EP300: variants seen among roughly 807,000 people sequenced by gnomAD.
The protein encoded by EP300 is histone acetyltransferase p300.
A neutral mutation model predicts 264.0 loss-of-function variants in EP300; 31 were observed. That is an observed-to-expected ratio of 0.12 (90% confidence interval 0.09 to 0.16). The LOEUF (loss-of-function observed/expected upper bound fraction) is 0.16, where lower values mean the gene tolerates loss of function less well. Among genes scored for constraint, EP300 ranks in the 10% least tolerant of loss-of-function variants. The pLI, the probability that EP300 is intolerant of heterozygous loss-of-function variation, is 1.00. For synonymous variants in EP300, 1,340 were observed against 1,045.4 expected (o/e 1.28, Z -5.44); for missense variants, 2,766 against 3,052.9 (o/e 0.91, Z 2.21).
At chr22:41,162,809 C>T (rs376016743) in intron 21 of EP300, 30 bp downstream of exon 21, 55 of 1,588,516 alleles carry the variant, frequency 3.5e-5, no homozygotes, top group African/African-American at 3.2e-4. Flanking sequence ...ATAGTCAGTA[C>T]GCTTTGGCTT....
Position 41,177,252 on chromosome 22 carries a change from C to G in EP300, c.5541C>G (p.Leu1847=). ...RTGVVGQQQG[L]PSPTPATPTT... ...GTGTGGTTGGGCAGCAACAGGGCCT[C>G]CCTTCCCCCACTCCTGCCACTCCAA... Residue 1847 remains leucine (L), a synonymous_variant, in exon 31 of 31, where the codon CTC becomes CTG. Transcript: ENST00000263253. 6.2e-7 allele frequency: 1 copy of G among 1,614,088 alleles called. No homozygotes were observed. Among genetic ancestry groups the G allele is most frequent in the Non-Finnish European group, 8.5e-7 (1 of 1,180,010 alleles).
intron 20 of EP300, among the ~76,000 whole-genome samples, chr22:41,161,608 G>A (rs772263726): frequency 3.9e-5 from 6 of 151,956 alleles, no homozygotes; most frequent in Non-Finnish European, 8.8e-5. Context: ...CAGAGCGAGA[G>A]TCTGTCTCAA....
chr22:41,150,206 G>A lies in EP300; in HGVS notation c.2817+8G>A. The stretch of plus-strand genomic sequence containing the variant: ...CCGCAGCCTGCAACTCCAGTAAGTA[G>A]AGATTTGGATTTAGGCAGAATCATT... On this transcript the variant is annotated splice_region_variant and intron_variant, in intron 14 of 30. Coordinates refer to ENST00000263253, the MANE Select transcript of EP300 (RefSeq NM_001429.4). 6.2e-7 allele frequency: 1 copy of A among 1,600,428 alleles called. No individual in the cohort carries two copies. The highest frequency in any genetic ancestry group is 8.5e-7 in the Non-Finnish European group (1 of 1,176,500).
In EP300 at chr22:41,146,833, ATTT is replaced by A. The variant is rs766192274; in HGVS notation, c.2131+22_2131+24del. The A allele has an allele frequency of 1.2e-6, 2 of 1,608,978 alleles. No homozygotes were observed. Among genetic ancestry groups the A allele is most frequent in the Non-Finnish European group, 1.7e-6 (2 of 1,176,744 alleles). On this transcript the variant is annotated intron_variant, in intron 11 of 30. Coordinates refer to ENST00000263253, the MANE Select transcript of EP300 (RefSeq NM_001429.4). Reference sequence around the variant, plus strand: ...CACAATCTGGTAAATAGTGAAAAAAATTTTTTTATTTTAAAAGAATCCCCGGTG... The same window carrying A: ...CACAATCTGGTAAATAGTGAAAAAAATTTTATTTTAAAAGAATCCCCGGTG...
intron 29 of EP300, 99 bp downstream of exon 29, chr22:41,173,883 G>C: frequency 6.9e-7 from 1 of 1,445,730 alleles, no homozygotes; most frequent in South Asian, 1.1e-5. Flanking sequence ...AGGCCAAGGC[G>C]GGTGGATCAC....
At chr22:41,113,811 G>T (rs1020389817) in intron 1 of EP300, among the ~76,000 whole-genome samples, 1 of 152,210 alleles carries the variant, frequency 6.6e-6, no homozygotes, top group East Asian at 1.9e-4. Context: ...CTCCCAAAGT[G>T]CTGGGATAAC....
intron 1 of EP300, among the ~76,000 whole-genome samples, chr22:41,103,708 G>A (rs576099610): frequency 6.6e-6 from 1 of 152,070 alleles, no homozygotes; most frequent in South Asian, 2.1e-4. Flanking sequence ...AGGATGTTGG[G>A]GTTCTATTGT....
intron 10 of EP300, among the ~76,000 whole-genome samples, chr22:41,142,769 C>T (rs570291108): frequency 6.6e-6 from 1 of 152,016 alleles, no homozygotes; most frequent in South Asian, 2.1e-4. Flanking sequence ...ACCTGTAGTC[C>T]CAGCTACTCA....
In EP300 at chr22:41,155,749, G is replaced by T. The variant is rs376798449; in HGVS notation, c.3261+636G>T. ...AGTATGTGATTCTTTGTGCCAGGAC[G>T]TTCCTTAGCATAATGTTTTCAAGGT... On this transcript the variant is annotated intron_variant, in intron 17 of 30. Coordinates refer to ENST00000263253, the MANE Select transcript of EP300 (RefSeq NM_001429.4). Among the ~76,000 whole-genome samples, 5 of 152,150 alleles carry T rather than the reference G, an allele frequency of 3.3e-5. No individual in the cohort carries two copies. In the East Asian group the frequency reaches 5.8e-4, roughly 18 times the overall value.
chr22:41,160,618 C>A, intron 19 of EP300, 24 bp from the exon 20 acceptor site: 1 of 1,611,880 alleles, frequency 6.2e-7, no homozygotes, highest in Non-Finnish European at 8.5e-7. Flanking sequence ...ACAGTTCACC[C>A]CAGTATGGCC....
In EP300 at chr22:41,158,098, G is replaced by A. The variant is rs117469241; in HGVS notation, c.3502-314G>A. On this transcript the variant is annotated intron_variant, in intron 18 of 30. Transcript: ENST00000263253. ...TGGTCTTGCTGTGTTGCCTAAGCTG[G>A]TCTGGAACTCTTGGGCTCACGCAGT... 9.0e-3 allele frequency among the ~76,000 whole-genome samples: 1,375 copies of A among 152,254 alleles called. 11 individuals are homozygous for A. Among genetic ancestry groups the A allele is most frequent in the Non-Finnish European group, 0.014 (947 of 68,026 alleles).
intron 1 of EP300, chr22:41,107,875 T>A (rs1179241536): frequency 6.9e-6 from 1 of 144,210 alleles, no homozygotes; most frequent in Non-Finnish European, 1.5e-5. Context: ...TAATTTTGTA[T>A]TTTTTTTTTG....
At chr22:41,170,377 CT>C (rs1266245680) in intron 26 of EP300, 28 bp from the exon 27 acceptor site, 5 of 1,605,108 alleles carry the variant, frequency 3.1e-6, no homozygotes, top group South Asian at 1.1e-5. Flanking sequence ...ATCTCTTTTC[CT>C]TAATGTTCTT....
intron 28 of EP300, among the ~76,000 whole-genome samples, chr22:41,172,983 G>T (rs2059179457): frequency 6.6e-6 from 1 of 151,986 alleles, no homozygotes; most frequent in African/African-American, 2.4e-5. Context: ...AGGCCTTGTG[G>T]GTCACATATC....
At chr22:41,098,045 A>G (rs1357247510) in intron 1 of EP300, among the ~76,000 whole-genome samples, 1 of 151,936 alleles carries the variant, frequency 6.6e-6, no homozygotes, top group Non-Finnish European at 1.5e-5. Flanking sequence ...CATGTGCACA[A>G]CGTGCAGGTT....
In EP300 at chr22:41,112,573, G is replaced by A. The variant is rs191549208; in HGVS notation, c.95-4614G>A. 3.0e-3 allele frequency among the ~76,000 whole-genome samples: 457 copies of A among 152,206 alleles called. 8 individuals carry two copies. The highest frequency in any genetic ancestry group is 1.1e-3 in the Non-Finnish European group (78 of 68,002). On this transcript the variant is annotated intron_variant, in intron 1 of 30. Transcript: ENST00000263253. ...GTTTATAGATGTTCTGGTGTCCCCT[G>A]GATTCCTGGGATTATCCCAACTTGA...
chr22:41,104,902 C>T (rs758199641), intron 1 of EP300, among the ~76,000 whole-genome samples: 5 of 151,942 alleles, frequency 3.3e-5, no homozygotes, highest in Non-Finnish European at 7.4e-5. Context: ...CGGTGGCTTA[C>T]GCCTGTAATC....
At chr22:41,142,878 T>A (rs890556033) in intron 10 of EP300, among the ~76,000 whole-genome samples, 1 of 151,640 alleles carries the variant, frequency 6.6e-6, no homozygotes, top group East Asian at 2.0e-4. Flanking sequence ...AGAGCGAGAC[T>A]CTGTCTCAAA....
intron 17 of EP300, 61 bp from the exon 18 acceptor site, chr22:41,157,108 A>G: frequency 1.2e-6 from 2 of 1,603,368 alleles, no homozygotes; most frequent in Non-Finnish European, 8.5e-7. Context: ...AATGGATGAT[A>G]CTCCATCTCC....
Sources: gnomAD v4.1 joint callset for allele counts (sites outside exome capture counted in the v4.1 genomes callset) on GRCh38, gnomAD v4.1.1 for gene constraint, MANE v1.5 for transcripts, NCBI Gene and HGNC (gene_info 2026-07-23, HGNC 2026-07-21) for gene names.